SHISA9: variants seen among roughly 807,000 people sequenced by gnomAD.
SHISA9 encodes shisa family member 9.
In SHISA9, 13 loss-of-function variants were observed where a neutral mutation model predicts 38.0. That is an observed-to-expected ratio of 0.34 (90% CI 0.22 to 0.54). The LOEUF (loss-of-function observed/expected upper bound fraction) is 0.54, where lower values mean the gene tolerates loss of function less well. Among genes scored for constraint, SHISA9 ranks in the 20% least tolerant of loss-of-function variants. The probability of loss-of-function intolerance (pLI) is 0.91; values close to 1 mark genes in which losing one functional copy is unlikely to be tolerated. For missense variants in SHISA9, 538 were observed against 575.8 expected (o/e 0.93, Z 0.67); for synonymous variants, 275 against 242.0 (o/e 1.14, Z -1.27).
the SHISA9 span, among the ~76,000 whole-genome samples, chr16:13,273,565 A>C: frequency 6.6e-6 from 1 of 152,192 alleles, no homozygotes; most frequent in Non-Finnish European, 1.5e-5. Flanking sequence ...AGGCCTCCCC[A>C]GTCACATGGA....
At chr16:13,443,280 T>A in the SHISA9 span, among the ~76,000 whole-genome samples, 2 of 152,206 alleles carry the variant, frequency 1.3e-5, no homozygotes, top group African/African-American at 4.8e-5. Context: ...TAACTAATCT[T>A]CGGAGAACTT....
At chr16:13,511,984 C>G in the SHISA9 span, among the ~76,000 whole-genome samples, 1 of 152,088 alleles carries the variant, frequency 6.6e-6, no homozygotes. Flanking sequence ...GAGCAAAAAA[C>G]TTCATAAAAC....
the SHISA9 span, among the ~76,000 whole-genome samples, chr16:13,355,078 G>C: frequency 6.7e-6 from 1 of 149,796 alleles, no homozygotes; most frequent in Non-Finnish European, 1.5e-5. Flanking sequence ...ATGGGTTGTA[G>C]AGGCAGGTAT....
chr16:13,000,942 T>G (rs1483970228), intron 2 of SHISA9, among the ~76,000 whole-genome samples: 1 of 152,144 alleles, frequency 6.6e-6, no homozygotes, highest in African/African-American at 2.4e-5. Flanking sequence ...CTTTCTTTGT[T>G]TTTTTGAGAT....
intron 1 of SHISA9, chr16:12,910,892 A>G: frequency 3.6e-6 from 1 of 276,952 alleles, no homozygotes; most frequent in Non-Finnish European, 5.5e-6. Context: ...GTTTTGTTCT[A>G]TCCAGGCTTT....
chr16:13,076,201 T>C (rs2073579950), intron 2 of SHISA9, among the ~76,000 whole-genome samples: 1 of 152,066 alleles, frequency 6.6e-6, no homozygotes, highest in Non-Finnish European at 1.5e-5. Context: ...TGGCTAAGTT[T>C]TGTATTTTTA....
intron 4 of SHISA9, 35 bp from the exon 5 acceptor site, chr16:13,234,995 C>A (rs1450643179): frequency 5.4e-6 from 8 of 1,495,282 alleles, no homozygotes; most frequent in Non-Finnish European, 7.2e-6. Flanking sequence ...TCTTCTCTTT[C>A]TTCCCCTTCT....
At chr16:13,289,937 T>A in the SHISA9 span, among the ~76,000 whole-genome samples, 1 of 152,202 alleles carries the variant, frequency 6.6e-6, no homozygotes, top group Non-Finnish European at 1.5e-5. Context: ...GGTATGGTGA[T>A]TAAAGAAAGA....
the SHISA9 span, among the ~76,000 whole-genome samples, chr16:13,347,847 AC>A: frequency 1.5e-4 from 4 of 27,014 alleles, no homozygotes; most frequent in East Asian, 0.038. Flanking sequence ...GTACCCCCCC[AC>A]AAAGATGTCC....
chr16:13,489,288 G>A, the SHISA9 span, among the ~76,000 whole-genome samples: 1 of 152,120 alleles, frequency 6.6e-6, no homozygotes, highest in Non-Finnish European at 1.5e-5. Context: ...GACCTCAGGT[G>A]ATCCACCCAC....
intron 2 of SHISA9, among the ~76,000 whole-genome samples, chr16:13,018,920 C>T (rs2072788744): frequency 6.6e-6 from 1 of 152,210 alleles, no homozygotes; most frequent in Admixed American, 6.5e-5. Context: ...GTGCAAACTC[C>T]TCAGCCCATG....
intron 2 of SHISA9, among the ~76,000 whole-genome samples, chr16:13,108,724 A>G (rs2073949924): frequency 2.6e-5 from 4 of 152,192 alleles, no homozygotes; most frequent in Admixed American, 2.6e-4. Context: ...ATTGCTTTTT[A>G]CCATTGGGGG....
At chr16:13,140,677 C>T (rs1216900703) in intron 2 of SHISA9, among the ~76,000 whole-genome samples, 1 of 152,166 alleles carries the variant, frequency 6.6e-6, no homozygotes, top group African/African-American at 2.4e-5. Flanking sequence ...TCTGTGTAAA[C>T]ATGTGAATAG....
intron 2 of SHISA9, among the ~76,000 whole-genome samples, chr16:12,919,407 G>T (rs1034873736): frequency 8.5e-5 from 13 of 152,176 alleles, no homozygotes; most frequent in Admixed American, 6.5e-4. Context: ...CATCCAAGTT[G>T]TTAGATTTGA....
chr16:13,121,369 G>A (rs1345181923), intron 2 of SHISA9, among the ~76,000 whole-genome samples: 1 of 152,016 alleles, frequency 6.6e-6, no homozygotes, highest in Admixed American at 6.6e-5. Context: ...ATGTGTACCT[G>A]TGGTCCCAGC....
chr16:13,139,070 C>T (rs2141994148), intron 2 of SHISA9, among the ~76,000 whole-genome samples: 1 of 152,224 alleles, frequency 6.6e-6, no homozygotes, highest in African/African-American at 2.4e-5. Flanking sequence ...CACTACAGTG[C>T]CATTACCTTC....
chr16:13,186,131 T>C (rs1007189711), intron 2 of SHISA9, among the ~76,000 whole-genome samples: 2 of 152,160 alleles, frequency 1.3e-5, no homozygotes, highest in Non-Finnish European at 2.9e-5. Flanking sequence ...TCCCTTTGCC[T>C]CTGTTTTCTT....
At chr16:13,503,661 C>T in the SHISA9 span, among the ~76,000 whole-genome samples, 2 of 147,578 alleles carry the variant, frequency 1.4e-5, no homozygotes, top group Non-Finnish European at 3.0e-5. Context: ...AGTCACAGGG[C>T]CAGCGTTCTT....
the SHISA9 span, among the ~76,000 whole-genome samples, chr16:13,489,474 GA>G: frequency 4.6e-5 from 7 of 152,164 alleles, no homozygotes; most frequent in South Asian, 1.5e-3. Context: ...ATCTCATCTT[GA>G]ATTGTAGCTC....
Sources: gnomAD v4.1 joint callset for allele counts (sites outside exome capture counted in the v4.1 genomes callset) on GRCh38, gnomAD v4.1.1 for gene constraint, MANE v1.5 for transcripts, NCBI Gene and HGNC (gene_info 2026-07-23, HGNC 2026-07-21) for gene names.